Variants in TACR2 observed in about 807,000 individuals in gnomAD.
The protein encoded by TACR2 is tachykinin receptor 2.
TACR2 carries 24 observed loss-of-function variants against 28.9 expected under a neutral mutation model. The ratio of observed to expected loss-of-function variants is 0.83; its 90% CI spans 0.60 to 1.17. TACR2 has a LOEUF of 1.17. TACR2 is among the 50% of genes most tolerant of loss of function. The pLI is 0.00. For missense variants in TACR2, 487 were observed against 524.4 expected (o/e 0.93, Z 0.70); for synonymous variants, 222 against 212.6 (o/e 1.04, Z -0.38).
intron 2 of TACR2, among the ~76,000 whole-genome samples, chr10:69,410,525 A>C (rs1325700362): frequency 1.4e-5 from 2 of 147,530 alleles, no homozygotes; most frequent in Non-Finnish European, 3.0e-5. Flanking sequence ...TGTCAAAAAA[A>C]AAAAACAAAA....
Position 69,415,055 on chromosome 10 carries a change from A to G in TACR2, c.477T>C (p.Ala159=). The change falls in exon 2 of 5, where the codon GCT becomes GCC. Residue 159 remains alanine, a synonymous_variant. Transcript: ENST00000373306. ...KAVIAGIWLV[A]LALASPQCFY... is the part of the protein sequence containing the mutation. ...AGCACTGAGGGGAGGCCAGGGCGAG[A>G]GCCACCAGCCAGATGCCAGCAATAA... 6.2e-7 allele frequency: 1 copy of G among 1,613,746 alleles called. No homozygotes were observed. The highest frequency in any genetic ancestry group is 8.5e-7 in the Non-Finnish European group (1 of 1,180,004).
intron 2 of TACR2, among the ~76,000 whole-genome samples, chr10:69,412,541 G>A (rs529579812): frequency 2.0e-5 from 3 of 152,288 alleles, no homozygotes; most frequent in Admixed American, 1.3e-4. Context: ...TGTCATACCC[G>A]TCTACAGATT....
chr10:69,409,281 G>A, intron 2 of TACR2: 1 of 435,606 alleles, frequency 2.3e-6, no homozygotes, highest in Non-Finnish European at 4.0e-6. Flanking sequence ...CCCTGCAAAA[G>A]GGACGCCAGC....
rs1049640949 is a variant in TACR2, at chr10:69,407,264, A to G, written c.758T>C (p.Val253Ala). The G allele has an allele frequency of 1.2e-6, 2 of 1,612,230 alleles. No individual in the cohort carries two copies. The highest frequency in any genetic ancestry group is 2.7e-5 in the African/African-American group (2 of 74,798). Residue 253 changes from valine to alanine, a missense_variant, in exon 4 of 5, where the codon GTG becomes GCG. Val to Ala is a moderately conservative substitution (Grantham distance 64, BLOSUM62 0). Transcript: ENST00000373306. The part of the protein sequence containing the change: ...QAMKKFVKTM[V>A]LVVLTFAICW... ...GATGGCAAACGTCAGCACCACCAGCACCATGGTCTTCACAAACTGGTCCAG... is the reference window on the plus strand; with the variant it reads ...GATGGCAAACGTCAGCACCACCAGCGCCATGGTCTTCACAAACTGGTCCAG...
intron 2 of TACR2, among the ~76,000 whole-genome samples, chr10:69,412,173 T>C (rs1840574292): frequency 6.6e-6 from 1 of 152,234 alleles, no homozygotes; most frequent in Admixed American, 6.5e-5. Flanking sequence ...TCTGCATTAA[T>C]TACTTTTTCT....
At chr10:69,405,782 T>C (rs1020855580) in intron 4 of TACR2, among the ~76,000 whole-genome samples, 1 of 152,172 alleles carries the variant, frequency 6.6e-6, no homozygotes, top group Non-Finnish European at 1.5e-5. Context: ...AGGAGAGTGA[T>C]CAACCCACAG....
At chr10:69,407,965 C>T (rs1261985454) in intron 3 of TACR2, among the ~76,000 whole-genome samples, 1 of 152,228 alleles carries the variant, frequency 6.6e-6, no homozygotes, top group Non-Finnish European at 1.5e-5. Context: ...CCATGTGCAG[C>T]TATCTCCCCG....
At chr10:69,415,227 C>A (rs1840603366) in intron 1 of TACR2, 88 bp from the exon 2 acceptor site, 1 of 1,426,768 alleles carries the variant, frequency 7.0e-7, no homozygotes, top group African/African-American at 1.4e-5. Flanking sequence ...AACCCAGGCC[C>A]ACGCCTTCTA....
chr10:69,412,645 G>A (rs1325810509), intron 2 of TACR2, among the ~76,000 whole-genome samples: 4 of 152,162 alleles, frequency 2.6e-5, no homozygotes, highest in African/African-American at 9.7e-5. Context: ...CATGATCTTA[G>A]GCAAGTCAGG....
intron 3 of TACR2, among the ~76,000 whole-genome samples, chr10:69,408,046 A>C (rs1410176007): frequency 6.6e-6 from 1 of 151,998 alleles, no homozygotes; most frequent in Non-Finnish European, 1.5e-5. Context: ...GATGTGGTTA[A>C]CCCATTACCT....
Position 69,407,146 on chromosome 10 carries a change from G to A in TACR2, c.876C>T (p.Leu292=), listed in dbSNP as rs916508690. 3 of 1,614,080 alleles carry A rather than the reference G, an allele frequency of 1.9e-6. No homozygotes were observed. Among genetic ancestry groups the A allele is most frequent in the Non-Finnish European group, 1.7e-6 (2 of 1,180,000 alleles). The part of the protein sequence containing the change: ...HKFIQQVYLA[L]FWLAMSSTMY... ...TGGTAGAGCTCATGGCCAACCAGAAGAGTGCCAGGTAGACTTGCTGGATGA... is the reference window on the plus strand; with the variant it reads ...TGGTAGAGCTCATGGCCAACCAGAAAAGTGCCAGGTAGACTTGCTGGATGA... Residue 292 remains leucine, a synonymous_variant, in exon 4 of 5, where the codon CTC becomes CTT. Transcript: ENST00000373306.
At position 69,403,913 on chromosome 10, in the gene TACR2, T is replaced by A. The variant is rs1466313260; in HGVS notation, c.*913A>T. On this transcript the variant is annotated 3_prime_UTR_variant, in exon 5 of 5. Transcript: ENST00000373306. ...CAAATCTGGAAGACTCACATACAAA[T>A]GTGGATTTATAGCTTCTCTTGAAAG... 6.6e-6 allele frequency: 1 copy of A among 152,184 alleles called. No individual in the cohort carries two copies. The highest frequency in any genetic ancestry group is 2.1e-4 in the South Asian group (1 of 4,824). 9.4% of individuals were successfully genotyped at this position (152,184 alleles called of 1,614,324 possible). A position where few individuals can be genotyped will look rare whatever the true frequency, so the allele number is the denominator to read the frequency against.
Position 69,409,901 on chromosome 10 carries a change from A to G in TACR2, c.588-826T>C, listed in dbSNP as rs7476429. ...TATATACATATATACATATATATAT[A>G]TACATATATATATATATATATATAT... On this transcript the variant is annotated intron_variant, in intron 2 of 4. Transcript: ENST00000373306. Among the ~76,000 whole-genome samples the G allele has an allele frequency of 6.2e-4, 7 of 11,380 alleles. 1 individual carries two copies. Among genetic ancestry groups the G allele is most frequent in the African/African-American group, 3.5e-3 (7 of 1,974 alleles). 7.5% of individuals were successfully genotyped at this position (11,380 alleles called of 152,430 possible).
In TACR2 at chr10:69,408,777, G is replaced by C. The variant is rs142144253; in HGVS notation, c.741+145C>G. 4.0e-6 allele frequency: 3 copies of C among 746,274 alleles called. 1 individual carries two copies. In the African/African-American group the frequency reaches 5.8e-5, roughly 14 times the overall value. The allele number at this position is 746,274 out of a possible 1,614,324, so 46.2% of individuals were successfully genotyped here. Reference sequence around the variant, plus strand: ...ACCGTAAGGGCGGCTCCCCAGGGCGGGGTCAGGCCCCGTCCCGCCCCCGTC... The same window carrying C: ...ACCGTAAGGGCGGCTCCCCAGGGCGCGGTCAGGCCCCGTCCCGCCCCCGTC... On this transcript the variant is annotated intron_variant, in intron 3 of 4. Transcript: ENST00000373306.
At position 69,414,932 on chromosome 10, in the gene TACR2, C is replaced by G; in HGVS notation, c.587+13G>C. The G allele has an allele frequency of 6.2e-7, 1 of 1,603,360 alleles. No homozygotes were observed. Among genetic ancestry groups the G allele is most frequent in the Non-Finnish European group, 8.5e-7 (1 of 1,172,580 alleles). On this transcript the variant is annotated intron_variant, in intron 2 of 4. Transcript: ENST00000373306. ...ACACACTGTTGCCCTCCACAATCCC[C>G]CAGAGGCCTTACAGGAGGAGCGTCT...
chr10:69,414,819 C>A, intron 2 of TACR2, 126 bp downstream of exon 2: 1 of 993,144 alleles, frequency 1.0e-6, no homozygotes. Flanking sequence ...TACACTCACT[C>A]ATGTGTACAC....
chr10:69,415,568 T>TAA (rs111725024), intron 1 of TACR2, among the ~76,000 whole-genome samples: 6 of 147,778 alleles, frequency 4.1e-5, no homozygotes, highest in African/African-American at 1.5e-4. Context: ...TCCGGAATAA[T>TAA]AAAAAAAAAA....
chr10:69,412,070 T>C (rs1169587251), intron 2 of TACR2, among the ~76,000 whole-genome samples: 3 of 152,204 alleles, frequency 2.0e-5, no homozygotes, highest in Admixed American at 6.5e-5. Context: ...GACCACTGCC[T>C]TGGCCTCCCA....
chr10:69,409,158 G>A, intron 2 of TACR2, 83 bp from the exon 3 acceptor site: 1 of 1,367,166 alleles, frequency 7.3e-7, no homozygotes, highest in Non-Finnish European at 9.5e-7. Context: ...GGGACCCCGC[G>A]GGCACTGTGG....
Sources: gnomAD v4.1 joint callset for allele counts (sites outside exome capture counted in the v4.1 genomes callset) on GRCh38, gnomAD v4.1.1 for gene constraint, MANE v1.5 for transcripts, NCBI Gene and HGNC (gene_info 2026-07-23, HGNC 2026-07-21) for gene names.